Variants in PIK3CD observed in about 807,000 individuals in gnomAD.
PIK3CD encodes phosphatidylinositol-4,5-bisphosphate 3-kinase catalytic subunit delta.
Under a neutral mutation model 122.9 loss-of-function variants are expected in PIK3CD, and 20 were observed. The observed-to-expected ratio is 0.16, with a 90% CI of 0.11 to 0.24. The LOEUF (loss-of-function observed/expected upper bound fraction) is 0.24, where lower values mean the gene tolerates loss of function less well. Among genes scored for constraint, PIK3CD ranks in the 10% least tolerant of loss-of-function variants. PIK3CD has a pLI of 1.00. For synonymous variants in PIK3CD, 596 were observed against 593.4 expected, an observed-to-expected ratio of 1.00 and a Z score of -0.06; for missense variants, 787 against 1,406.3, an observed-to-expected ratio of 0.56 and a Z score of 7.04.
the PIK3CD span, among the ~76,000 whole-genome samples, chr1:9,630,944 T>G: frequency 4.0e-5 from 6 of 151,872 alleles, no homozygotes; most frequent in Non-Finnish European, 8.8e-5. Flanking sequence ...AGATGATTGG[T>G]CATCCATTTG....
intron 1 of PIK3CD, chr1:9,662,606 G>C (rs1489727346): frequency 2.6e-5 from 4 of 152,326 alleles, no homozygotes; most frequent in Non-Finnish European, 5.9e-5. Flanking sequence ...GTGGTTCTAA[G>C]TCACGAAGGT....
rs1054957642 is a variant in PIK3CD at position 9,689,971 on chromosome 1, G to C, written c.-137-1496G>C. Among the ~76,000 whole-genome samples the C allele has an allele frequency of 2.0e-5, 3 of 152,170 alleles. No homozygotes were observed. The highest frequency in any genetic ancestry group is 7.2e-5 in the African/African-American group (3 of 41,452). ...TCCTAATCTGGTTGCTTCCTTTTGT[G>C]CCCCCCGGGGGTCAGGAATCCCAGG... On this transcript the variant is annotated intron_variant, in intron 1 of 23. Transcript: ENST00000377346. The surrounding 1 kb of genome is among the most constrained non-coding windows in gnomAD (Gnocchi z 6.1).
At chr1:9,695,843 C>CAAAAAA (rs1265700443) in intron 2 of PIK3CD, among the ~76,000 whole-genome samples, 2 of 69,516 alleles carry the variant, frequency 2.9e-5, no homozygotes, top group African/African-American at 5.8e-5. Context: ...GACTCAGTCT[C>CAAAAAA]AAAAAAAAAA....
intron 1 of PIK3CD, chr1:9,653,786 T>G: frequency 7.3e-7 from 1 of 1,366,144 alleles, no homozygotes; most frequent in Non-Finnish European, 9.8e-7. Flanking sequence ...GTTTCATTTC[T>G]TGATATTAGG....
chr1:9,662,142 G>A (rs932334276), intron 1 of PIK3CD, among the ~76,000 whole-genome samples: 1 of 152,158 alleles, frequency 6.6e-6, no homozygotes, highest in Non-Finnish European at 1.5e-5. Flanking sequence ...TCCAACCTGG[G>A]CGACAGAGCG....
intron 1 of PIK3CD, among the ~76,000 whole-genome samples, chr1:9,663,339 C>T (rs1023362619): frequency 1.3e-5 from 2 of 152,192 alleles, no homozygotes; most frequent in African/African-American, 4.8e-5. Flanking sequence ...CAGGACAGTT[C>T]TTCCTGGCAT....
Position 9,718,923 on chromosome 1 carries a change from C to T in PIK3CD, c.1242+8C>T, listed in dbSNP as rs1488338700. The T allele has an allele frequency of 3.1e-6, 5 of 1,611,256 alleles. No homozygotes were observed. The South Asian group carries it at 3.3e-5, about 11-fold the overall frequency. On this transcript the variant is annotated splice_region_variant and intron_variant, in intron 9 of 23. Coordinates refer to ENST00000377346, the MANE Select transcript of PIK3CD (RefSeq NM_005026.5). This position sits in a 1 kb window ranked among gnomAD's most constrained non-coding sequence, Gnocchi z 7.2. ...AAGAAGTCCAAGAAGGCGGTGGGTC[C>T]CAGGGCCGGCTGGGAGGGGTGCAGA...
At chr1:9,648,371 A>G (rs1644626468), upstream of PIK3CD, among the ~76,000 whole-genome samples, 2 of 152,236 alleles carry the variant, frequency 1.3e-5, no homozygotes, top group African/African-American at 4.8e-5. Flanking sequence ...TACATATTCA[A>G]TGAAGAATTC....
chr1:9,720,010 C>A lies in PIK3CD; in HGVS notation c.1332C>A (p.Ser444=), dbSNP rs574697107. The change falls in exon 10 of 24, where the codon TCC becomes TCA. Residue 444 remains serine, a synonymous_variant. Coordinates refer to ENST00000377346, the MANE Select transcript of PIK3CD (RefSeq NM_005026.5). The surrounding 1 kb of genome is among the most constrained non-coding windows in gnomAD (Gnocchi z 9.0). ...TGERCLYMWP[S]VPDEKGELLN... is the part of the protein sequence containing the mutation. ...AACGCTGCCTCTACATGTGGCCCTC[C>A]GTCCCAGGTCGGCCCAGGCCCAGGA... The A allele has an allele frequency of 1.4e-5, 22 of 1,613,440 alleles. No individual in the cohort carries two copies. The highest frequency in any genetic ancestry group is 2.2e-5 in the East Asian group (1 of 44,890).
At chr1:9,726,456 C>T (rs1305826158) in intron 23 of PIK3CD, among the ~76,000 whole-genome samples, 1 of 152,196 alleles carries the variant, frequency 6.6e-6, no homozygotes, top group Non-Finnish European at 1.5e-5. Context: ...TTGCAGTGAG[C>T]CGAGATCATG....
the PIK3CD span, among the ~76,000 whole-genome samples, chr1:9,645,025 CTTTTTT>C: frequency 3.7e-5 from 3 of 81,806 alleles, no homozygotes; most frequent in African/African-American, 1.7e-4. Context: ...CTTTTCTTTT[CTTTTTT>C]TTTTTTTTTT....
At chr1:9,663,690 C>T (rs1244113048) in intron 1 of PIK3CD, among the ~76,000 whole-genome samples, 3 of 151,580 alleles carry the variant, frequency 2.0e-5, no homozygotes, top group East Asian at 3.9e-4. Flanking sequence ...CCCATTAACT[C>T]GTTATTTACA....
chr1:9,721,064 C>T, intron 13 of PIK3CD, 63 bp from the exon 14 acceptor site: 6 of 1,503,222 alleles, frequency 4.0e-6, no homozygotes, highest in Non-Finnish European at 4.6e-6. Flanking sequence ...GGCCATCACC[C>T]TTACCCTGAC....
intron 2 of PIK3CD, among the ~76,000 whole-genome samples, chr1:9,708,172 T>TTTG (rs1646915379): frequency 6.6e-6 from 1 of 151,168 alleles, no homozygotes; most frequent in African/African-American, 2.4e-5. Context: ...CATACAGGCT[T>TTTG]TTTGTTTGTT....
intron 2 of PIK3CD, among the ~76,000 whole-genome samples, chr1:9,697,451 T>C (rs1646463176): frequency 2.0e-5 from 3 of 151,958 alleles, no homozygotes; most frequent in Admixed American, 2.0e-4. Context: ...CCCAGGACTT[T>C]GGGAGGCCAA....
the PIK3CD span, among the ~76,000 whole-genome samples, chr1:9,639,212 C>T: frequency 6.6e-6 from 1 of 152,036 alleles, no homozygotes; most frequent in Non-Finnish European, 1.5e-5. Flanking sequence ...AAAAAGTAAC[C>T]ATCTCTATTC....
chr1:9,651,429 T>C (rs7518793), upstream of PIK3CD, among the ~76,000 whole-genome samples: 35,183 of 152,116 alleles, frequency 0.23, 4,258 homozygotes, highest in African/African-American at 0.27. Flanking sequence ...TGAAATTCTT[T>C]CCTGCGTGAA....
rs1649114469 is a variant in PIK3CD at position 9,724,108 on chromosome 1, C to A, written c.2718+16C>A. ...GAGTGGGCAGGTACAGGGGCTGGTG[C>A]TGGCGGCTGCTGTGGGGACTTGGCT... On this transcript the variant is annotated intron_variant, in intron 21 of 23. Coordinates refer to ENST00000377346, the MANE Select transcript of PIK3CD (RefSeq NM_005026.5). This position sits in a 1 kb window ranked among gnomAD's most constrained non-coding sequence, Gnocchi z 7.3. The A allele has an allele frequency of 3.1e-6, 5 of 1,613,980 alleles. No homozygotes were observed. The highest frequency in any genetic ancestry group is 3.4e-6 in the Non-Finnish European group (4 of 1,180,040).
rs576351264 is a variant in PIK3CD at position 9,716,435 on chromosome 1, C to T, written c.601-5C>T. The stretch of plus-strand genomic sequence containing the variant: ...GCAGAGGACTGACCTCCCTCCTCCC[C>T]ACAGGAGAGCTTCACCTTCCAGGTG... On this transcript the variant is annotated splice_polypyrimidine_tract_variant and splice_region_variant and intron_variant, in intron 5 of 23. Transcript: ENST00000377346. The T allele has an allele frequency of 1.2e-6, 2 of 1,611,000 alleles. No homozygotes were observed. The highest frequency in any genetic ancestry group is 2.2e-5 in the South Asian group (2 of 90,986).
Sources: gnomAD v4.1 joint callset for allele counts (sites outside exome capture counted in the v4.1 genomes callset) on GRCh38, gnomAD v4.1.1 for gene constraint, Gnocchi (gnomAD v3.1) non-coding constraint, MANE v1.5 for transcripts, NCBI Gene and HGNC (gene_info 2026-07-23, HGNC 2026-07-21) for gene names.